The following RBFOX1 variants were observed in gnomAD, a reference collection of about 807,000 sequenced individuals.
RBFOX1 encodes RNA binding protein fox-1 homolog 1.
A neutral mutation model predicts 57.7 loss-of-function variants in RBFOX1; 8 were observed. The observed-to-expected ratio is 0.14, with a 90% confidence interval of 0.08 to 0.25. RBFOX1 has a LOEUF of 0.25. RBFOX1 is among the 10% of genes least tolerant of loss of function. RBFOX1 has a pLI of 1.00. For synonymous variants in RBFOX1, 326 were observed against 222.4 expected (o/e 1.47, Z -4.15); for missense variants, 611 against 548.5 (o/e 1.11, Z -1.14).
At chr16:6,829,221 A>C (rs1273169724) in intron 3 of RBFOX1, among the ~76,000 whole-genome samples, 1 of 148,556 alleles carries the variant, frequency 6.7e-6, no homozygotes, top group Non-Finnish European at 1.5e-5. Flanking sequence ...AAAGCATTTT[A>C]AAGGAAGTTA....
intron 1 of RBFOX1, among the ~76,000 whole-genome samples, chr16:6,129,653 A>G (rs915834785): frequency 3.3e-5 from 5 of 149,774 alleles, no homozygotes; most frequent in African/African-American, 1.2e-4. Context: ...AAAAACATCC[A>G]TTTACAGGTC....
Position 6,889,031 on chromosome 16 carries a change from G to C in RBFOX1, c.-15-163026G>C, listed in dbSNP as rs575205411. On this transcript the variant is annotated intron_variant, in intron 3 of 15. Transcript: ENST00000550418. ...ATTGCAAATAAGTCTTCAGGGAATT[G>C]CATGTGTTCTCAAATTTGATTGTAT... Among the ~76,000 whole-genome samples, 65 of 152,268 alleles carry C rather than the reference G, an allele frequency of 4.3e-4. 1 individual carries two copies. In the South Asian group the frequency reaches 6.2e-3, roughly 15 times the overall value.
intron 3 of RBFOX1, chr16:6,722,098 C>G (rs1037185587): frequency 2.0e-5 from 3 of 152,160 alleles, no homozygotes; most frequent in Admixed American, 6.6e-5. Context: ...ATGAATAATA[C>G]TGGTATAAGC....
intron 1 of RBFOX1, chr16:6,092,346 A>C (rs2096187523): frequency 6.6e-6 from 1 of 152,222 alleles, no homozygotes; most frequent in Non-Finnish European, 1.5e-5. Flanking sequence ...ATGGGAACAC[A>C]GGGAGTAAGG....
intron 4 of RBFOX1, among the ~76,000 whole-genome samples, chr16:5,917,002 G>A (rs1017017121): frequency 6.6e-6 from 1 of 152,104 alleles, no homozygotes; most frequent in Admixed American, 6.5e-5. Context: ...GTGCCCCTGG[G>A]ATGGGGATGA....
intron 3 of RBFOX1, among the ~76,000 whole-genome samples, chr16:6,858,824 G>C (rs1209166537): frequency 1.3e-5 from 2 of 152,020 alleles, no homozygotes; most frequent in African/African-American, 2.4e-5. Context: ...CTGCTGGTTA[G>C]AAGTATAATC....
At chr16:7,406,057 G>A (rs2098334860) in intron 4 of RBFOX1, among the ~76,000 whole-genome samples, 1 of 152,178 alleles carries the variant, frequency 6.6e-6, no homozygotes. Flanking sequence ...TGAAATATTG[G>A]CAATAGTGAA....
chr16:7,460,389 A>ATATATATATATATATATATATATGTGTG lies in RBFOX1; in HGVS notation c.28-57757_28-57756insATATATATATATATATATATATGTGTGT. Among the ~76,000 whole-genome samples, 131 of 87,058 alleles carry ATATATATATATATATATATATATGTGTG rather than the reference A, an allele frequency of 1.5e-3. 1 individual carries two copies. The highest frequency in any genetic ancestry group is 5.2e-3 in the African/African-American group (79 of 15,284). The allele number at this position is 87,058 out of a possible 152,430, so 57.1% of individuals were successfully genotyped here. A position where few individuals can be genotyped will look rare whatever the true frequency, so the allele number is the denominator to read the frequency against. On this transcript the variant is annotated intron_variant, in intron 4 of 15. Coordinates refer to ENST00000550418, the MANE Select transcript of RBFOX1 (RefSeq NM_018723.4). The stretch of plus-strand genomic sequence containing the variant: ...TAGCAAAATATATATATATATATAT[A>ATATATATATATATATATATATATGTGTG]TGTGTGTGTGTGTGTGTGTGTGTGT...
intron 1 of RBFOX1, among the ~76,000 whole-genome samples, chr16:6,134,018 C>T (rs1028844914): frequency 1.3e-5 from 2 of 151,862 alleles, no homozygotes; most frequent in African/African-American, 4.8e-5. Flanking sequence ...TTCAGTGCAA[C>T]CTCTGCCTCC....
chr16:6,965,083 C>T (rs1476462447), intron 3 of RBFOX1, among the ~76,000 whole-genome samples: 5 of 152,038 alleles, frequency 3.3e-5, no homozygotes, highest in Non-Finnish European at 5.9e-5. Context: ...TGTTATGTAG[C>T]TTCTTCCTAG....
At chr16:6,977,384 G>C (rs1310888520) in intron 3 of RBFOX1, among the ~76,000 whole-genome samples, 1 of 151,960 alleles carries the variant, frequency 6.6e-6, no homozygotes, top group African/African-American at 2.4e-5. Flanking sequence ...CGGGATATCT[G>C]GACACTCGCA....
intron 4 of RBFOX1, among the ~76,000 whole-genome samples, chr16:7,360,000 C>A (rs1489314351): frequency 6.9e-6 from 1 of 145,608 alleles, no homozygotes; most frequent in African/African-American, 2.5e-5. Flanking sequence ...AAACAAAAAA[C>A]AAACAAACAA....
At chr16:6,060,500 T>C (rs1317195689) in intron 1 of RBFOX1, among the ~76,000 whole-genome samples, 1 of 152,196 alleles carries the variant, frequency 6.6e-6, no homozygotes, top group African/African-American at 2.4e-5. Context: ...TGTCATGCTT[T>C]TGGTTGACCT....
At chr16:6,874,420 G>C (rs1603635173) in intron 3 of RBFOX1, among the ~76,000 whole-genome samples, 1 of 146,730 alleles carries the variant, frequency 6.8e-6, no homozygotes, top group Non-Finnish European at 1.5e-5. Flanking sequence ...TGAGGCAGGA[G>C]AACTGCTTGA....
At chr16:7,240,392 G>A (rs1369100364) in intron 4 of RBFOX1, among the ~76,000 whole-genome samples, 1 of 152,116 alleles carries the variant, frequency 6.6e-6, no homozygotes, top group Non-Finnish European at 1.5e-5. Flanking sequence ...CACCATCTGT[G>A]ATCATCTGAA....
chr16:6,214,359 G>C (rs2097317358), intron 1 of RBFOX1, among the ~76,000 whole-genome samples: 1 of 149,982 alleles, frequency 6.7e-6, no homozygotes, highest in Admixed American at 6.7e-5. Flanking sequence ...GATGGAGAAA[G>C]AGAGTGAGGG....
At chr16:6,215,397 A>C (rs944255324) in intron 1 of RBFOX1, among the ~76,000 whole-genome samples, 25 of 136,784 alleles carry the variant, frequency 1.8e-4, no homozygotes, top group African/African-American at 1.4e-4. Context: ...AGACAGAAGA[A>C]AACAGGCAGA....
At chr16:6,986,212 A>ATTTATTTT (rs1162295181) in intron 3 of RBFOX1, among the ~76,000 whole-genome samples, 1 of 151,162 alleles carries the variant, frequency 6.6e-6, no homozygotes, top group Non-Finnish European at 1.5e-5. Context: ...TTATTTATTT[A>ATTTATTTT]TTTTCTGAGA....
At chr16:5,964,298 G>C (rs1160819056) in intron 4 of RBFOX1, among the ~76,000 whole-genome samples, 10 of 152,122 alleles carry the variant, frequency 6.6e-5, no homozygotes, top group Non-Finnish European at 2.9e-5. Flanking sequence ...TTGTTGGTGG[G>C]AATGTAAATT....
Sources: allele counts gnomAD v4.1 joint callset (sites outside exome capture counted in the v4.1 genomes callset), GRCh38; gene constraint gnomAD v4.1.1; transcripts MANE v1.5; gene names NCBI Gene and HGNC (gene_info 2026-07-23, HGNC 2026-07-21).